Variants in LYRM4 observed in about 807,000 individuals in gnomAD.
LYRM4 encodes LYR motif-containing protein 4.
A neutral mutation model predicts 11.7 loss-of-function variants in LYRM4; 9 were observed. That is an observed-to-expected ratio of 0.77 (90% CI 0.46 to 1.34). The LOEUF (loss-of-function observed/expected upper bound fraction) is 1.34. Ranked by LOEUF, LYRM4 falls within the 40% of genes most tolerant of loss-of-function variation. The pLI, the probability that LYRM4 is intolerant of heterozygous loss-of-function variation, is 0.00. For missense variants in LYRM4, 133 were observed against 112.5 expected (o/e 1.18, Z -0.82); for synonymous variants, 42 against 40.4 (o/e 1.04, Z -0.15).
rs1353749067 is a variant in LYRM4, at chr6:5,239,654, A to T, written c.86+20994T>A. On this transcript the variant is annotated intron_variant, in intron 1 of 2. Coordinates refer to ENST00000330636, the MANE Select transcript of LYRM4 (RefSeq NM_020408.6). Reference sequence around the variant, plus strand: ...GCCAAAGATACAATGAAGGAAAGTGACAAGAAGGAAGGTGGCAGGCCAGAC... The same window carrying T: ...GCCAAAGATACAATGAAGGAAAGTGTCAAGAAGGAAGGTGGCAGGCCAGAC... Among the ~76,000 whole-genome samples the T allele has an allele frequency of 1.6e-4, 24 of 152,116 alleles. 2 individuals are homozygous for T. The highest frequency in any genetic ancestry group is 1.6e-3 in the Admixed American group (24 of 15,272).
chr6:5,066,488 G>A, the LYRM4 span: 3 of 767,968 alleles, frequency 3.9e-6, no homozygotes, highest in Admixed American at 1.7e-5. Flanking sequence ...AAGCCATAGC[G>A]GGTGGTTTTA....
At position 5,145,380 on chromosome 6, in the gene LYRM4, C is replaced by T. The variant is rs534241291; in HGVS notation, c.208-35889G>A. Among the ~76,000 whole-genome samples, 7 of 152,324 alleles carry T rather than the reference C, an allele frequency of 4.6e-5. No individual in the cohort carries two copies. The South Asian group carries it at 1.2e-3, about 27-fold the overall frequency. On this transcript the variant is annotated intron_variant, in intron 2 of 2. Coordinates refer to ENST00000330636, the MANE Select transcript of LYRM4 (RefSeq NM_020408.6). ...CGCCCTCACGCTGCAAACAGTGCTG[C>T]GAAGTCGGCACCAGTATTGTTCTCA...
chr6:5,138,742 G>T (rs1165396225), intron 2 of LYRM4: 1 of 1,530,594 alleles, frequency 6.5e-7, no homozygotes, highest in Non-Finnish European at 8.7e-7. Flanking sequence ...CTTTATGCCT[G>T]GGGGTAAAAA....
intron 2 of LYRM4, among the ~76,000 whole-genome samples, chr6:5,208,624 T>C (rs896020251): frequency 6.6e-6 from 1 of 152,194 alleles, no homozygotes; most frequent in South Asian, 2.1e-4. Context: ...CACATCATCC[T>C]CGGAGGAATC....
the LYRM4 span, among the ~76,000 whole-genome samples, chr6:5,050,161 G>T: frequency 9.9e-5 from 15 of 152,234 alleles, no homozygotes; most frequent in African/African-American, 3.6e-4. Context: ...TGGAACTTTG[G>T]TGTCTACTGA....
chr6:5,178,053 G>A (rs1180423686), intron 2 of LYRM4, among the ~76,000 whole-genome samples: 1 of 152,014 alleles, frequency 6.6e-6, no homozygotes, highest in African/African-American at 2.4e-5. Flanking sequence ...CTTCCCCTAA[G>A]AGTGTCACCA....
chr6:5,170,473 C>T (rs72811688), intron 2 of LYRM4, among the ~76,000 whole-genome samples: 10,303 of 143,486 alleles, frequency 0.072, 515 homozygotes, highest in Non-Finnish European at 0.11. Flanking sequence ...AGCTTTCTCA[C>T]TTTATTTCTT....
intron 2 of LYRM4, among the ~76,000 whole-genome samples, chr6:5,176,433 T>G (rs767676162): frequency 6.6e-6 from 1 of 152,226 alleles, no homozygotes; most frequent in Non-Finnish European, 1.5e-5. Context: ...ACTAAGAAAT[T>G]ATCTGAAATG....
chr6:5,260,677 C>G lies in LYRM4; in HGVS notation c.57G>C (p.Glu19Asp). 2 of 1,537,740 alleles carry G rather than the reference C, an allele frequency of 1.3e-6. No individual in the cohort carries two copies. The highest frequency in any genetic ancestry group is 1.8e-6 in the Non-Finnish European group (2 of 1,141,342). The change falls in exon 1 of 3, where the codon GAG becomes GAC. Residue 19 changes from glutamate (E) to aspartate (D), a missense_variant. Coordinates refer to ENST00000330636, the MANE Select transcript of LYRM4 (RefSeq NM_020408.6). ...AATTGTAGGCGCTGAAACGCTTGCT[C>G]TCTCTCAGCATCGCCCGGTACAGAG... ...VLSLYRAMLRESKRFSAYNYR... is the reference protein window; with the variant it reads ...VLSLYRAMLRDSKRFSAYNYR...
At chr6:5,098,339 A>G in the LYRM4 span, among the ~76,000 whole-genome samples, 96,811 of 152,138 alleles carry the variant, frequency 0.64, 31,627 homozygotes, top group East Asian at 0.8. Context: ...CTCGGGAGTG[A>G]TGTAGGGCCA....
At chr6:5,136,580 A>G (rs1757113363) in intron 2 of LYRM4, 1 of 981,394 alleles carries the variant, frequency 1.0e-6, no homozygotes, top group South Asian at 4.7e-5. Context: ...TCTTACTACA[A>G]TGCCTGGCAC....
At chr6:5,089,191 C>CG in the LYRM4 span, 1 of 151,838 alleles carries the variant, frequency 6.6e-6, no homozygotes, top group East Asian at 1.9e-4. Context: ...AAAACTTTGA[C>CG]GAAAAATAAA....
the LYRM4 span, among the ~76,000 whole-genome samples, chr6:5,097,182 G>A: frequency 2.6e-5 from 4 of 152,262 alleles, no homozygotes; most frequent in Non-Finnish European, 5.9e-5. Flanking sequence ...AGGTGACGCA[G>A]AGCGTCACAT....
chr6:5,085,575 G>C, the LYRM4 span: 1 of 1,544,184 alleles, frequency 6.5e-7, no homozygotes. Flanking sequence ...TGCCCGCCCC[G>C]GTGGTCCCCT....
chr6:5,067,836 C>G, the LYRM4 span, among the ~76,000 whole-genome samples: 1 of 152,150 alleles, frequency 6.6e-6, no homozygotes, highest in East Asian at 1.9e-4. Flanking sequence ...AGCAAACAAT[C>G]TGTGTTGAGG....
Position 5,189,579 on chromosome 6 carries a change from G to A in LYRM4, c.207+27039C>T, listed in dbSNP as rs151130708. Among the ~76,000 whole-genome samples, 670 of 152,290 alleles carry A rather than the reference G, an allele frequency of 4.4e-3. 3 individuals are homozygous for A. The highest frequency in any genetic ancestry group is 0.015 in the African/African-American group (643 of 41,562). ...ATTTCGGGTGACTGAAATTCCAGCCGCAAGGCACCATGAAGCTCTACATTA... is the reference window on the plus strand; with the variant it reads ...ATTTCGGGTGACTGAAATTCCAGCCACAAGGCACCATGAAGCTCTACATTA... On this transcript the variant is annotated intron_variant, in intron 2 of 2. Coordinates refer to ENST00000330636, the MANE Select transcript of LYRM4 (RefSeq NM_020408.6).
At chr6:5,050,131 T>C in the LYRM4 span, among the ~76,000 whole-genome samples, 4 of 152,258 alleles carry the variant, frequency 2.6e-5, no homozygotes. Flanking sequence ...ACTGGCAGGA[T>C]CTCTCAAATG....
chr6:5,074,631 T>G, the LYRM4 span, among the ~76,000 whole-genome samples: 1 of 151,812 alleles, frequency 6.6e-6, no homozygotes, highest in African/African-American at 2.4e-5. Context: ...TCTTTTTTTT[T>G]TTTTAATTAT....
At chr6:5,224,432 G>A (rs1012587529) in intron 1 of LYRM4, among the ~76,000 whole-genome samples, 8 of 152,170 alleles carry the variant, frequency 5.3e-5, no homozygotes, top group South Asian at 2.1e-4. Flanking sequence ...GTGTGAGCAC[G>A]GACTGGTACT....
Sources: allele counts gnomAD v4.1 joint callset (sites outside exome capture counted in the v4.1 genomes callset), GRCh38; gene constraint gnomAD v4.1.1; transcripts MANE v1.5; gene names NCBI Gene and HGNC (gene_info 2026-07-23, HGNC 2026-07-21).